Variants in ARHGAP32 observed in about 807,000 individuals in gnomAD.
ARHGAP32 encodes the protein rho GTPase-activating protein 32.
A neutral mutation model predicts 186.5 loss-of-function variants in ARHGAP32; 51 were observed. The observed-to-expected ratio is 0.27, with a 90% confidence interval of 0.22 to 0.35. The LOEUF (loss-of-function observed/expected upper bound fraction) is 0.35, where lower values mean the gene tolerates loss of function less well. Ranked by LOEUF, ARHGAP32 falls within the 10% of genes least tolerant of loss-of-function variation. The pLI, the probability that ARHGAP32 is intolerant of heterozygous loss-of-function variation, is 1.00. For synonymous variants in ARHGAP32, 950 were observed against 964.3 expected, an observed-to-expected ratio of 0.99 and a Z score of 0.27; for missense variants, 2,186 against 2,623.5, an observed-to-expected ratio of 0.83 and a Z score of 3.64.
At chr11:129,155,687 A>G (rs1355092206) in intron 2 of ARHGAP32, among the ~76,000 whole-genome samples, 1 of 150,406 alleles carries the variant, frequency 6.6e-6, no homozygotes, top group Non-Finnish European at 1.5e-5. Context: ...TTGCAGCAGT[A>G]AAAGAAATGT....
Position 128,969,146 on chromosome 11 carries a change from G to T in ARHGAP32, c.6067C>A (p.Pro2023Thr). 6.2e-7 allele frequency: 1 copy of T among 1,609,914 alleles called. No homozygotes were observed. The highest frequency in any genetic ancestry group is 8.5e-7 in the Non-Finnish European group (1 of 1,177,194). The part of the protein sequence containing the change: ...RDPSVLYQYQ[P>T]HGKRQSSVTV... ...ACACTGCTCTGGCGCTTGCCGTGTG[G>T]TTGGTACTGGTACAGCACACTGGGG... Residue 2023 changes from proline to threonine, a missense_variant, in exon 23 of 23, where the codon CCA becomes ACA. By Grantham distance (38) the Pro-to-Thr change is conservative. Around this residue, in one of 5 missense-constraint regions of ARHGAP32, gnomAD observed 1,502 missense variants for 1,570.0 expected, o/e 0.96. Transcript: ENST00000682385. This position sits in a 1 kb window ranked among gnomAD's most constrained non-coding sequence, Gnocchi z 4.8.
At chr11:129,099,744 T>C (rs1274517759) in intron 5 of ARHGAP32, among the ~76,000 whole-genome samples, 2 of 151,080 alleles carry the variant, frequency 1.3e-5, no homozygotes, top group Non-Finnish European at 3.0e-5. Context: ...GAAGATACAA[T>C]TATAAGCAGT....
chr11:128,983,509 G>C (rs1427475588), intron 15 of ARHGAP32, among the ~76,000 whole-genome samples: 2 of 151,706 alleles, frequency 1.3e-5, no homozygotes, highest in East Asian at 1.9e-4. Context: ...TGGGGGGAAG[G>C]GGGAGGGATA....
In ARHGAP32 at chr11:129,067,738, A is replaced by C. The variant is rs138522385; in HGVS notation, c.532-870T>G. 4.6e-3 allele frequency among the ~76,000 whole-genome samples: 699 copies of C among 152,154 alleles called. 4 individuals carry two copies. Among genetic ancestry groups the C allele is most frequent in the Non-Finnish European group, 5.7e-3 (389 of 67,952 alleles). On this transcript the variant is annotated intron_variant, in intron 6 of 22. Coordinates refer to ENST00000682385, the MANE Select transcript of ARHGAP32 (RefSeq NM_001378024.1). ...TATGTAGAGCCTTTTGGCTCATAAA[A>C]ATCTGGAGGGTCTGAAAGAAAAAGC...
chr11:129,066,712 A>T lies in ARHGAP32; in HGVS notation c.669+19T>A. The T allele has an allele frequency of 6.2e-7, 1 of 1,608,924 alleles. No individual in the cohort carries two copies. Among genetic ancestry groups the T allele is most frequent in the Non-Finnish European group, 8.5e-7 (1 of 1,177,612 alleles). ...CATATATAGTGATTACCTCTGTACTAAATGTACTAAATGCTTACCTCTGGA... is the reference window on the plus strand; with the variant it reads ...CATATATAGTGATTACCTCTGTACTTAATGTACTAAATGCTTACCTCTGGA... On this transcript the variant is annotated intron_variant, in intron 7 of 22. Transcript: ENST00000682385.
At chr11:128,995,633 G>A (rs958023104) in intron 12 of ARHGAP32, among the ~76,000 whole-genome samples, 8 of 152,226 alleles carry the variant, frequency 5.3e-5, no homozygotes, top group Admixed American at 2.0e-4. Context: ...GAGTCCAGGA[G>A]TTCGAGATCA....
At chr11:129,162,432 T>C (rs1397535286) in intron 2 of ARHGAP32, among the ~76,000 whole-genome samples, 3 of 152,160 alleles carry the variant, frequency 2.0e-5, no homozygotes, top group Admixed American at 1.3e-4. Context: ...AGTCAAAAAA[T>C]GGAACCAATA....
intron 14 of ARHGAP32, 147 bp downstream of exon 14, chr11:128,986,377 G>T (rs149202716): frequency 6.0e-6 from 5 of 839,046 alleles, no homozygotes; most frequent in African/African-American, 5.2e-5. Context: ...AAAGACCACC[G>T]ACTAGCTGGC....
At chr11:129,007,974 G>C (rs1937873784) in intron 11 of ARHGAP32, among the ~76,000 whole-genome samples, 1 of 152,124 alleles carries the variant, frequency 6.6e-6, no homozygotes. Flanking sequence ...AGTTCAAGCT[G>C]GTTTTGCTTT....
intron 11 of ARHGAP32, among the ~76,000 whole-genome samples, chr11:129,040,641 C>G (rs1939554685): frequency 6.6e-6 from 1 of 152,056 alleles, no homozygotes; most frequent in South Asian, 2.1e-4. Flanking sequence ...TTTTTTAAAT[C>G]ATTTTATTCA....
At chr11:129,162,031 C>A (rs1943540605) in intron 2 of ARHGAP32, among the ~76,000 whole-genome samples, 1 of 152,110 alleles carries the variant, frequency 6.6e-6, no homozygotes, top group Non-Finnish European at 1.5e-5. Context: ...TCATTCTCAG[C>A]AAACTAACAC....
intron 2 of ARHGAP32, among the ~76,000 whole-genome samples, chr11:129,143,582 GC>G (rs1407228924): frequency 2.0e-5 from 3 of 152,174 alleles, no homozygotes; most frequent in Non-Finnish European, 4.4e-5. Flanking sequence ...GTATTGCAGT[GC>G]TTGTATTCAA....
intron 10 of ARHGAP32, among the ~76,000 whole-genome samples, chr11:129,055,713 G>C (rs904359142): frequency 1.2e-4 from 18 of 152,138 alleles, no homozygotes; most frequent in Admixed American, 3.9e-4. Flanking sequence ...CAACAATACG[G>C]ATATTTTGGA....
chr11:129,244,748 C>T, intron 1 of ARHGAP32, among the ~76,000 whole-genome samples: 1 of 151,608 alleles, frequency 6.6e-6, no homozygotes, highest in South Asian at 2.1e-4. Context: ...AACAAATTTA[C>T]AAGAAAAAAA....
upstream of ARHGAP32, among the ~76,000 whole-genome samples, chr11:129,279,555 A>T (rs1945585333): frequency 7.1e-6 from 1 of 141,214 alleles, no homozygotes; most frequent in South Asian, 2.2e-4. Context: ...CCCCCGCCGG[A>T]GCCCGCCGCC....
intron 5 of ARHGAP32, among the ~76,000 whole-genome samples, chr11:129,109,555 G>A (rs1426460878): frequency 1.3e-5 from 2 of 151,870 alleles, no homozygotes; most frequent in African/African-American, 4.8e-5. Context: ...TGTTTAAGAG[G>A]TCCCTTTTCT....
intron 6 of ARHGAP32, among the ~76,000 whole-genome samples, chr11:129,085,212 T>A (rs1179349211): frequency 6.6e-6 from 1 of 152,036 alleles, no homozygotes; most frequent in African/African-American, 2.4e-5. Context: ...TTTATAGAGA[T>A]GAGATCTCAC....
chr11:129,029,116 G>A (rs1938986584), intron 11 of ARHGAP32, among the ~76,000 whole-genome samples: 1 of 152,142 alleles, frequency 6.6e-6, no homozygotes, highest in African/African-American at 2.4e-5. Flanking sequence ...AGCAAATTAA[G>A]TAGGTTCCTA....
At chr11:129,057,494 C>A (rs1940299212) in intron 10 of ARHGAP32, among the ~76,000 whole-genome samples, 2 of 152,008 alleles carry the variant, frequency 1.3e-5, no homozygotes, top group African/African-American at 4.8e-5. Flanking sequence ...CCCCTCTCCC[C>A]CAAAATTCAT....
Sources: allele counts gnomAD v4.1 joint callset (sites outside exome capture counted in the v4.1 genomes callset), GRCh38; gene constraint gnomAD v4.1.1; regional missense constraint gnomAD v4.1.1; non-coding constraint Gnocchi (gnomAD v3.1); transcripts MANE v1.5; gene names NCBI Gene and HGNC (gene_info 2026-07-23, HGNC 2026-07-21).